The following SLC35F4 variants were observed in gnomAD, a reference collection of about 807,000 sequenced individuals.
The protein encoded by SLC35F4 is chromosome 14 open reading frame 36.
In SLC35F4, 24 loss-of-function variants were observed where a neutral mutation model predicts 44.2. The observed-to-expected ratio is 0.54, with a 90% CI of 0.39 to 0.76. The LOEUF is 0.76. Among genes scored for constraint, SLC35F4 ranks in the 30% least tolerant of loss-of-function variants. The pLI is 0.00. For missense variants in SLC35F4, 562 were observed against 586.1 expected, an observed-to-expected ratio of 0.96 and a Z score of 0.42; for synonymous variants, 238 against 223.6, an observed-to-expected ratio of 1.06 and a Z score of -0.57.
chr14:57,617,130 C>CTTTTTTTTTT lies in SLC35F4; in HGVS notation c.104-23016_104-23007dup, dbSNP rs3054446. Among the ~76,000 whole-genome samples the CTTTTTTTTTT allele has an allele frequency of 3.5e-3, 345 of 99,244 alleles. 15 individuals carry two copies. The highest frequency in any genetic ancestry group is 0.02 in the Middle Eastern group (2 of 102). The allele number at this position is 99,244 out of a possible 152,430, so 65.1% of individuals were successfully genotyped here. A position where few individuals can be genotyped will look rare whatever the true frequency, so the allele number is the denominator to read the frequency against. ...CGAGCTCAGCTTAACTGTACTTATT[C>CTTTTTTTTTT]TTTTTTTTTTTTTTTTTTGAGACAG... is the stretch of plus-strand genomic sequence containing the variant. On this transcript the variant is annotated intron_variant, in intron 1 of 7. Coordinates refer to ENST00000556826, the MANE Select transcript of SLC35F4 (RefSeq NM_001306087.2).
At chr14:57,699,311 A>G (rs1420471741) in intron 1 of SLC35F4, among the ~76,000 whole-genome samples, 1 of 152,122 alleles carries the variant, frequency 6.6e-6, no homozygotes, top group Non-Finnish European at 1.5e-5. Context: ...TTTAATGCCA[A>G]TGTTTAGGAA....
At chr14:57,859,491 G>A (rs766680343) in intron 1 of SLC35F4, among the ~76,000 whole-genome samples, 1 of 152,174 alleles carries the variant, frequency 6.6e-6, no homozygotes, top group Non-Finnish European at 1.5e-5. Context: ...GGCAATTAGA[G>A]GATTGTGGTG....
chr14:57,638,262 T>A (rs2073090037), intron 1 of SLC35F4, among the ~76,000 whole-genome samples: 1 of 152,108 alleles, frequency 6.6e-6, no homozygotes, highest in Non-Finnish European at 1.5e-5. Flanking sequence ...AAGAGACCAC[T>A]GACCACAGAC....
At chr14:57,618,928 G>A (rs1237563101) in intron 1 of SLC35F4, among the ~76,000 whole-genome samples, 1 of 152,108 alleles carries the variant, frequency 6.6e-6, no homozygotes, top group African/African-American at 2.4e-5. Flanking sequence ...ATGCTGGGAA[G>A]TTCGAACTGG....
intron 1 of SLC35F4, among the ~76,000 whole-genome samples, chr14:57,614,440 A>G (rs2071688227): frequency 6.6e-6 from 1 of 152,244 alleles, no homozygotes; most frequent in South Asian, 2.1e-4. Context: ...ACCCATTAGC[A>G]TCAATCTTTC....
In SLC35F4 at chr14:57,722,874, G is replaced by A. The variant is rs528442784; in HGVS notation, c.104-128750C>T. ...CTCAATCAATTTCCAGACTTGAGCT[G>A]GTTTACAGACTCAGAACACCTTGAA... On this transcript the variant is annotated intron_variant, in intron 1 of 7. Coordinates refer to ENST00000556826, the MANE Select transcript of SLC35F4 (RefSeq NM_001306087.2). Among the ~76,000 whole-genome samples the A allele has an allele frequency of 3.2e-4, 49 of 152,196 alleles. 1 individual carries two copies. Among genetic ancestry groups the A allele is most frequent in the African/African-American group, 1.0e-3 (42 of 41,524 alleles).
chr14:57,943,465 G>A (rs1299515425), intron 1 of SLC35F4, among the ~76,000 whole-genome samples: 1 of 152,174 alleles, frequency 6.6e-6, no homozygotes, highest in Non-Finnish European at 1.5e-5. Context: ...CATTTGTTGT[G>A]ATATCTGTGA....
intron 1 of SLC35F4, among the ~76,000 whole-genome samples, chr14:57,738,779 A>G (rs1182690012): frequency 1.0e-5 from 1 of 98,514 alleles, no homozygotes; most frequent in Non-Finnish European, 2.2e-5. Flanking sequence ...ATATATATAT[A>G]TATATATAGG....
chr14:57,659,328 A>T (rs1006686899), intron 1 of SLC35F4, among the ~76,000 whole-genome samples: 1 of 152,290 alleles, frequency 6.6e-6, no homozygotes, highest in African/African-American at 2.4e-5. Flanking sequence ...CAGCAAGGGA[A>T]AAAAGAACAC....
intron 1 of SLC35F4, among the ~76,000 whole-genome samples, chr14:57,844,981 C>A (rs1210835676): frequency 1.3e-5 from 2 of 151,928 alleles, no homozygotes; most frequent in Non-Finnish European, 2.9e-5. Context: ...CCATCTTGTT[C>A]AATCTCTTTT....
intron 1 of SLC35F4, among the ~76,000 whole-genome samples, chr14:57,719,508 T>C (rs892789151): frequency 6.6e-6 from 1 of 152,212 alleles, no homozygotes; most frequent in Admixed American, 6.5e-5. Context: ...ACCAGTGTTT[T>C]ATAGTTCTCA....
At position 57,773,887 on chromosome 14, in the gene SLC35F4, G is replaced by A. The variant is rs536415391; in HGVS notation, c.103+91836C>T. On this transcript the variant is annotated intron_variant, in intron 1 of 7. Coordinates refer to ENST00000556826, the MANE Select transcript of SLC35F4 (RefSeq NM_001306087.2). ...TCACAGGAGCCCATGTATTAAATTCGTGCCACAAGAAAAATATCTCCCAGA... is the reference window on the plus strand; with the variant it reads ...TCACAGGAGCCCATGTATTAAATTCATGCCACAAGAAAAATATCTCCCAGA... 1.5e-3 allele frequency among the ~76,000 whole-genome samples: 226 copies of A among 152,208 alleles called. 1 individual carries two copies. The highest frequency in any genetic ancestry group is 2.5e-3 in the Non-Finnish European group (167 of 68,008).
chr14:57,803,706 C>T (rs1001837874), intron 1 of SLC35F4, among the ~76,000 whole-genome samples: 1 of 150,306 alleles, frequency 6.7e-6, no homozygotes, highest in East Asian at 2.0e-4. Flanking sequence ...TCTCCTGCCT[C>T]AGCCTCCTGA....
At chr14:57,676,174 T>A (rs568117822) in intron 1 of SLC35F4, among the ~76,000 whole-genome samples, 2 of 152,168 alleles carry the variant, frequency 1.3e-5, no homozygotes, top group Admixed American at 6.5e-5. Context: ...TCTTTGCTAT[T>A]GTGAATAGTG....
At position 57,617,724 on chromosome 14, in the gene SLC35F4, A is replaced by G. The variant is rs993757483; in HGVS notation, c.104-23600T>C. ...AGTGGGTCTGTATGAGTCATGGCAG[A>G]GGCATTTAACCAGGCTGGGGGCTCA... On this transcript the variant is annotated intron_variant, in intron 1 of 7. Coordinates refer to ENST00000556826, the MANE Select transcript of SLC35F4 (RefSeq NM_001306087.2). 2.0e-5 allele frequency among the ~76,000 whole-genome samples: 3 copies of G among 152,302 alleles called. No homozygotes were observed. The East Asian group carries it at 5.8e-4, about 29-fold the overall frequency.
intron 1 of SLC35F4, among the ~76,000 whole-genome samples, chr14:57,748,825 A>G (rs1307837845): frequency 1.3e-5 from 2 of 152,210 alleles, no homozygotes; most frequent in East Asian, 1.9e-4. Context: ...AGCCATGTGT[A>G]TAGCTGCATA....
intron 1 of SLC35F4, among the ~76,000 whole-genome samples, chr14:57,635,401 T>C (rs766270045): frequency 9.2e-5 from 14 of 152,222 alleles, no homozygotes; most frequent in Admixed American, 6.5e-4. Flanking sequence ...TGATTTCAGA[T>C]GTGTTAAGTT....
intron 1 of SLC35F4, among the ~76,000 whole-genome samples, chr14:57,700,050 T>C (rs2075493054): frequency 1.3e-5 from 2 of 152,186 alleles, no homozygotes; most frequent in African/African-American, 4.8e-5. Context: ...TTTTTTCCTA[T>C]ACAATCTTAA....
At chr14:57,625,709 C>T (rs963918077) in intron 1 of SLC35F4, among the ~76,000 whole-genome samples, 4 of 152,156 alleles carry the variant, frequency 2.6e-5, no homozygotes, top group African/African-American at 9.7e-5. Context: ...GAAAGGATTC[C>T]CTATTTAATA....
Sources: allele counts gnomAD v4.1 joint callset (sites outside exome capture counted in the v4.1 genomes callset), GRCh38; gene constraint gnomAD v4.1.1; transcripts MANE v1.5; gene names NCBI Gene and HGNC (gene_info 2026-07-23, HGNC 2026-07-21).